SPATS2: variants seen among roughly 807,000 people sequenced by gnomAD.
SPATS2 encodes spermatogenesis-associated serine-rich protein 2.
A neutral mutation model predicts 63.7 loss-of-function variants in SPATS2; 38 were observed. The ratio of observed to expected loss-of-function variants is 0.60; its 90% CI spans 0.46 to 0.78. The LOEUF (loss-of-function observed/expected upper bound fraction) is 0.78, where lower values mean the gene tolerates loss of function less well. SPATS2 is among the 30% of genes least tolerant of loss of function. SPATS2 has a pLI of 0.00. For missense variants in SPATS2, 588 were observed against 666.2 expected, an observed-to-expected ratio of 0.88 and a Z score of 1.29; for synonymous variants, 207 against 232.9, an observed-to-expected ratio of 0.89 and a Z score of 1.01.
At chr12:49,460,132 A>C (rs535109856) in intron 2 of SPATS2, among the ~76,000 whole-genome samples, 25 of 151,274 alleles carry the variant, frequency 1.7e-4, no homozygotes, top group African/African-American at 5.3e-4. Flanking sequence ...AACAAACAAA[A>C]AAAGAAATTC....
At chr12:49,468,170 T>G (rs1945962244) in intron 3 of SPATS2, among the ~76,000 whole-genome samples, 1 of 151,074 alleles carries the variant, frequency 6.6e-6, no homozygotes, top group Non-Finnish European at 1.5e-5. Flanking sequence ...TTTTTTTCTT[T>G]TTTTTTTTGA....
intron 2 of SPATS2, among the ~76,000 whole-genome samples, chr12:49,416,486 A>T (rs1210326100): frequency 6.6e-6 from 1 of 151,356 alleles, no homozygotes; most frequent in East Asian, 1.9e-4. Context: ...ATTTTATTTT[A>T]TTTTATTTTA....
intron 2 of SPATS2, among the ~76,000 whole-genome samples, chr12:49,423,620 G>T (rs889042057): frequency 6.6e-6 from 1 of 152,134 alleles, no homozygotes; most frequent in Non-Finnish European, 1.5e-5. Context: ...AAAATTATAA[G>T]CATTCAATGA....
chr12:49,452,648 T>C (rs1394924963), intron 2 of SPATS2, among the ~76,000 whole-genome samples: 1 of 152,228 alleles, frequency 6.6e-6, no homozygotes, highest in East Asian at 1.9e-4. Context: ...CTTCAAGTTT[T>C]CTGATTTTTT....
chr12:49,450,353 C>T (rs1289588185), intron 2 of SPATS2, among the ~76,000 whole-genome samples: 1 of 151,784 alleles, frequency 6.6e-6, no homozygotes, highest in Non-Finnish European at 1.5e-5. Context: ...GGGTTCACGC[C>T]ATTCTCCTGC....
chr12:49,480,274 A>G (rs1202207336), intron 3 of SPATS2, among the ~76,000 whole-genome samples: 1 of 152,178 alleles, frequency 6.6e-6, no homozygotes, highest in Non-Finnish European at 1.5e-5. Context: ...GGATAATTGT[A>G]TCAAATTCAC....
intron 2 of SPATS2, among the ~76,000 whole-genome samples, chr12:49,412,168 A>G (rs780435656): frequency 1.3e-5 from 2 of 152,110 alleles, no homozygotes; most frequent in Non-Finnish European, 2.9e-5. Flanking sequence ...AGATAGCATG[A>G]CCATCAGTCT....
chr12:49,477,102 TA>T (rs550575980), intron 3 of SPATS2, among the ~76,000 whole-genome samples: 1,104 of 136,296 alleles, frequency 8.1e-3, no homozygotes, highest in Admixed American at 8.4e-3. Flanking sequence ...AAACTCCTCT[TA>T]AAAAAAAAAA....
intron 3 of SPATS2, among the ~76,000 whole-genome samples, chr12:49,476,447 A>G (rs1459409422): frequency 1.3e-5 from 2 of 152,188 alleles, no homozygotes; most frequent in East Asian, 3.8e-4. Context: ...CTTCTGGTAC[A>G]AGGCAAGAAA....
At chr12:49,387,092 G>A (rs374945024) in intron 2 of SPATS2, 1 of 152,050 alleles carries the variant, frequency 6.6e-6, no homozygotes, top group East Asian at 2.0e-4. Flanking sequence ...CATCTGTGAG[G>A]AGCAAAGAGG....
At chr12:49,426,037 T>C (rs1273328667) in intron 2 of SPATS2, among the ~76,000 whole-genome samples, 2 of 152,216 alleles carry the variant, frequency 1.3e-5, no homozygotes, top group Non-Finnish European at 2.9e-5. Context: ...AAGTATTGCA[T>C]AGTGGGAAGA....
intron 2 of SPATS2, among the ~76,000 whole-genome samples, chr12:49,456,364 G>T (rs1315468887): frequency 6.6e-6 from 1 of 152,230 alleles, no homozygotes; most frequent in Non-Finnish European, 1.5e-5. Flanking sequence ...CACCTTCAGA[G>T]CTCTAAGATG....
intron 2 of SPATS2, among the ~76,000 whole-genome samples, chr12:49,400,343 G>C (rs763932666): frequency 6.6e-6 from 1 of 152,322 alleles, no homozygotes; most frequent in South Asian, 2.1e-4. Flanking sequence ...GACAGTTACA[G>C]CTTCTTGGAG....
At position 49,409,543 on chromosome 12, in the gene SPATS2, C is replaced by T. The variant is rs184249351; in HGVS notation, c.-244+38253C>T. The stretch of plus-strand genomic sequence containing the variant: ...GATGGTCTCAATCTCCTGACTGCCT[C>T]GGCCTCCCAAAGTGCTGGAATTACA... On this transcript the variant is annotated intron_variant, in intron 2 of 13. Transcript: ENST00000552918. Among the ~76,000 whole-genome samples the T allele has an allele frequency of 2.1e-3, 315 of 148,256 alleles. 2 individuals are homozygous for T. Among genetic ancestry groups the T allele is most frequent in the Non-Finnish European group, 1.2e-3 (84 of 67,570 alleles).
chr12:49,413,989 A>G lies in SPATS2; in HGVS notation c.-244+42699A>G, dbSNP rs541715785. On this transcript the variant is annotated intron_variant, in intron 2 of 13. Coordinates refer to ENST00000552918, the MANE Select transcript of SPATS2 (RefSeq NM_023071.4). ...GAGGGATCAGCCCTACTGCCTAGGA[A>G]TGATCCTCCATAGCTCTTGGTCTGC... Among the ~76,000 whole-genome samples, 3 of 152,296 alleles carry G rather than the reference A, an allele frequency of 2.0e-5. 1 individual carries two copies. Among genetic ancestry groups the G allele is most frequent in the South Asian group, 4.2e-4 (2 of 4,798 alleles).
At chr12:49,416,524 G>A (rs1216315531) in intron 2 of SPATS2, among the ~76,000 whole-genome samples, 1 of 151,934 alleles carries the variant, frequency 6.6e-6, no homozygotes, top group Admixed American at 6.6e-5. Context: ...GTCTCGTTCA[G>A]TCGCCCAGGC....
chr12:49,379,841 T>G (rs1944182430), intron 2 of SPATS2, among the ~76,000 whole-genome samples: 1 of 152,062 alleles, frequency 6.6e-6, no homozygotes, highest in Non-Finnish European at 1.5e-5. Flanking sequence ...CAGGCTGGTC[T>G]CAAACTCCTG....
intron 2 of SPATS2, among the ~76,000 whole-genome samples, chr12:49,422,180 AG>A (rs1180780996): frequency 6.6e-6 from 1 of 152,190 alleles, no homozygotes; most frequent in Non-Finnish European, 1.5e-5. Flanking sequence ...TATAGCAGAA[AG>A]AAATATAATT....
Position 49,526,011 on chromosome 12 carries a change from T to G in SPATS2, c.1394T>G (p.Met465Arg), listed in dbSNP as rs776479068. The G allele has an allele frequency of 1.9e-6, 3 of 1,614,220 alleles. No individual in the cohort carries two copies. Among genetic ancestry groups the G allele is most frequent in the Non-Finnish European group, 2.5e-6 (3 of 1,180,048 alleles). The change falls in exon 14 of 14, where the codon ATG (methionine) becomes AGG (arginine). Residue 465 changes from methionine to arginine, a missense_variant. By Grantham distance (91) the Met-to-Arg change is moderately conservative. Coordinates refer to ENST00000552918, the MANE Select transcript of SPATS2 (RefSeq NM_023071.4). ...CAAGGCCAAAAGTCCAATGACCCCA[T>G]GAACCAAGGGCGGCATGACAGTATG... ...RPQGQKSNDPMNQGRHDSMGR... is the reference protein window; with the variant it reads ...RPQGQKSNDPRNQGRHDSMGR...
Sources: gnomAD v4.1 joint callset for allele counts (sites outside exome capture counted in the v4.1 genomes callset) on GRCh38, gnomAD v4.1.1 for gene constraint, MANE v1.5 for transcripts, NCBI Gene and HGNC (gene_info 2026-07-23, HGNC 2026-07-21) for gene names.